The following FAM135B variants were observed in gnomAD, a reference collection of about 807,000 sequenced individuals.
FAM135B encodes family with sequence similarity 135 member B.
A neutral mutation model predicts 127.7 loss-of-function variants in FAM135B; 43 were observed. That is an observed-to-expected ratio of 0.34 (90% CI 0.26 to 0.43). The LOEUF is 0.43. FAM135B is among the 20% of genes least tolerant of loss of function. FAM135B has a pLI of 1.00. For synonymous variants in FAM135B, 670 were observed against 665.1 expected, an observed-to-expected ratio of 1.01 and a Z score of -0.11; for missense variants, 1,558 against 1,725.6, an observed-to-expected ratio of 0.90 and a Z score of 1.72.
At chr8:138,369,665 AC>A (rs1830991707) in intron 1 of FAM135B, among the ~76,000 whole-genome samples, 1 of 152,028 alleles carries the variant, frequency 6.6e-6, no homozygotes. Context: ...TGCCCAACAC[AC>A]CCGAGCCAGT....
intron 6 of FAM135B, among the ~76,000 whole-genome samples, chr8:138,244,034 A>T (rs1490941507): frequency 6.6e-6 from 1 of 152,212 alleles, no homozygotes; most frequent in Non-Finnish European, 1.5e-5. Context: ...GGAAGGGCTT[A>T]ATCCAAGAGA....
rs74997270 is a variant in FAM135B, at chr8:138,245,781, G to A, written c.543-2713C>T. On this transcript the variant is annotated intron_variant, in intron 6 of 19. Coordinates refer to ENST00000395297, the MANE Select transcript of FAM135B (RefSeq NM_015912.4). ...CAGGCAGAGGTTGGAACAGTTTGAAGGGCTCAGAGGAAGATAGGAAAATGT... is the reference window on the plus strand; with the variant it reads ...CAGGCAGAGGTTGGAACAGTTTGAAAGGCTCAGAGGAAGATAGGAAAATGT... 8.5e-3 allele frequency among the ~76,000 whole-genome samples: 1,297 copies of A among 152,288 alleles called. 17 individuals are homozygous for A. Among genetic ancestry groups the A allele is most frequent in the African/African-American group, 0.026 (1,090 of 41,538 alleles).
At chr8:138,227,889 C>T (rs1819595409) in intron 7 of FAM135B, among the ~76,000 whole-genome samples, 1 of 151,988 alleles carries the variant, frequency 6.6e-6, no homozygotes. Flanking sequence ...TGCATAATTG[C>T]AAGGTGAACT....
chr8:138,438,743 C>T (rs1835600420), intron 1 of FAM135B: 1 of 152,192 alleles, frequency 6.6e-6, no homozygotes, highest in Non-Finnish European at 1.5e-5. Context: ...CCAGGATGAT[C>T]AGACATCACC....
chr8:138,300,007 G>A (rs1042492807), intron 3 of FAM135B, among the ~76,000 whole-genome samples: 13 of 151,882 alleles, frequency 8.6e-5, no homozygotes, highest in South Asian at 2.1e-4. Flanking sequence ...TCGCTCTATC[G>A]CCCAGGCTGG....
chr8:138,147,611 T>C (rs1331454612), intron 14 of FAM135B, among the ~76,000 whole-genome samples: 2 of 152,184 alleles, frequency 1.3e-5, no homozygotes, highest in East Asian at 1.9e-4. Flanking sequence ...ATATGCACCT[T>C]GAACTAGAGA....
chr8:138,337,698 G>C lies in FAM135B; in HGVS notation c.78-26778C>G, dbSNP rs1587138909. Among the ~76,000 whole-genome samples the C allele has an allele frequency of 5.3e-5, 8 of 152,178 alleles. 1 individual carries two copies. In the South Asian group the frequency reaches 1.7e-3, roughly 32 times the overall value. On this transcript the variant is annotated intron_variant, in intron 2 of 19. Coordinates refer to ENST00000395297, the MANE Select transcript of FAM135B (RefSeq NM_015912.4). ...GCCAAACTGCCCAAGGTAATTTATA[G>C]ATTCAATGCCATCCCCATCAAGCTA...
At position 138,242,732 on chromosome 8, in the gene FAM135B, C is replaced by T. The variant is rs897013216; in HGVS notation, c.669+210G>A. ...ACAAGTATCATATGAAGACCATATT[C>T]CCTGTATCTATCCCAGGGCTTGGCC... On this transcript the variant is annotated intron_variant, in intron 7 of 19. Coordinates refer to ENST00000395297, the MANE Select transcript of FAM135B (RefSeq NM_015912.4). This position sits in a 1 kb window ranked among gnomAD's most constrained non-coding sequence, Gnocchi z 9.6. Among the ~76,000 whole-genome samples, 1 of 152,124 alleles carries T rather than the reference C, an allele frequency of 6.6e-6. No individual in the cohort carries two copies. Among genetic ancestry groups the T allele is most frequent in the Non-Finnish European group, 1.5e-5 (1 of 68,040 alleles).
At chr8:138,191,937 G>A (rs1015362177) in intron 9 of FAM135B, among the ~76,000 whole-genome samples, 9 of 152,138 alleles carry the variant, frequency 5.9e-5, no homozygotes, top group African/African-American at 1.2e-4. Context: ...TCCCTGCACC[G>A]ATGCTGCCTC....
chr8:138,409,558 T>C (rs561841606), intron 1 of FAM135B, among the ~76,000 whole-genome samples: 3 of 151,946 alleles, frequency 2.0e-5, no homozygotes, highest in Non-Finnish European at 2.9e-5. Flanking sequence ...TTTGTAAAAA[T>C]TGCATCACCT....
At chr8:138,186,866 T>C (rs774952103) in intron 9 of FAM135B, among the ~76,000 whole-genome samples, 3 of 152,212 alleles carry the variant, frequency 2.0e-5, no homozygotes, top group Non-Finnish European at 4.4e-5. Flanking sequence ...ACAGACAAGA[T>C]AGCACTGCAA....
rs184917482 is a variant in FAM135B, at chr8:138,365,492, T to C, written c.77+2415A>G. Among the ~76,000 whole-genome samples the C allele has an allele frequency of 1.2e-4, 19 of 152,052 alleles. No individual in the cohort carries two copies. In the East Asian group the frequency reaches 3.3e-3, roughly 27 times the overall value. On this transcript the variant is annotated intron_variant, in intron 2 of 19. Coordinates refer to ENST00000395297, the MANE Select transcript of FAM135B (RefSeq NM_015912.4). ...CATTGTAAGTATTTATGCTTACAAGTCTATATATCAAATAGTTTTTAAAAT... is the reference window on the plus strand; with the variant it reads ...CATTGTAAGTATTTATGCTTACAAGCCTATATATCAAATAGTTTTTAAAAT...
intron 18 of FAM135B, 129 bp from the exon 19 acceptor site, chr8:138,137,389 T>C (rs1431290945): frequency 7.6e-6 from 5 of 662,212 alleles, no homozygotes; most frequent in Non-Finnish European, 1.4e-5. Flanking sequence ...CACACTAGTG[T>C]CATCACACAA....
At chr8:138,135,373 C>G (rs1816563372) in intron 19 of FAM135B, among the ~76,000 whole-genome samples, 1 of 152,110 alleles carries the variant, frequency 6.6e-6, no homozygotes, top group African/African-American at 2.4e-5. Flanking sequence ...ATCATTGACT[C>G]TTTATTTATT....
intron 1 of FAM135B, among the ~76,000 whole-genome samples, chr8:138,404,090 G>C (rs1485098171): frequency 2.0e-5 from 3 of 152,078 alleles, no homozygotes; most frequent in Admixed American, 6.6e-5. Flanking sequence ...ATACCTTGGT[G>C]ATGTTGCAGG....
intron 1 of FAM135B, among the ~76,000 whole-genome samples, chr8:138,454,630 AT>A (rs5895528): frequency 0.47 from 71,056 of 151,944 alleles, 17,307 homozygotes; most frequent in African/African-American, 0.55. Context: ...TCAGGTCTTA[AT>A]TTTAAAAGTT....
At chr8:138,254,671 A>G (rs975129522) in intron 5 of FAM135B, among the ~76,000 whole-genome samples, 1 of 152,190 alleles carries the variant, frequency 6.6e-6, no homozygotes, top group African/African-American at 2.4e-5. Flanking sequence ...GGATTCCTCA[A>G]GTCTCTACAC....
chr8:138,443,783 T>C (rs1346397691), intron 1 of FAM135B, among the ~76,000 whole-genome samples: 1 of 152,142 alleles, frequency 6.6e-6, no homozygotes, highest in Non-Finnish European at 1.5e-5. Context: ...AATGACAGGA[T>C]CAAATTCACA....
chr8:138,406,407 T>A (rs1204061460), intron 1 of FAM135B, among the ~76,000 whole-genome samples: 2 of 151,794 alleles, frequency 1.3e-5, no homozygotes, highest in East Asian at 3.9e-4. Flanking sequence ...TAACTTATTT[T>A]ATGAGGCCAG....
Sources: gnomAD v4.1 joint callset for allele counts (sites outside exome capture counted in the v4.1 genomes callset) on GRCh38, gnomAD v4.1.1 for gene constraint, Gnocchi (gnomAD v3.1) non-coding constraint, MANE v1.5 for transcripts, NCBI Gene and HGNC (gene_info 2026-07-23, HGNC 2026-07-21) for gene names.